HMGN1: variants seen among roughly 807,000 people sequenced by gnomAD.
HMGN1 encodes non-histone chromosomal protein HMG-14.
HMGN1 carries 9 observed loss-of-function variants against 18.4 expected under a neutral mutation model. The ratio of observed to expected loss-of-function variants is 0.49; its 90% CI spans 0.29 to 0.85. The LOEUF is 0.85. Ranked by LOEUF, HMGN1 falls within the 40% of genes least tolerant of loss-of-function variation. The pLI is 0.07. For missense variants in HMGN1, 151 were observed against 119.2 expected, an observed-to-expected ratio of 1.27 and a Z score of -1.24; for synonymous variants, 59 against 45.0, an observed-to-expected ratio of 1.31 and a Z score of -1.24.
intron 4 of HMGN1, chr21:39,346,241 G>A (rs531651501): frequency 6.0e-6 from 2 of 331,294 alleles, no homozygotes; most frequent in South Asian, 4.9e-5. Context: ...AACACGGGCG[G>A]AAAAATCACT....
In HMGN1 at chr21:39,345,289, G is replaced by T; in HGVS notation, c.127-15C>A. The T allele has an allele frequency of 6.2e-7, 1 of 1,605,420 alleles. No individual in the cohort carries two copies. Among genetic ancestry groups the T allele is most frequent in the Non-Finnish European group, 8.5e-7 (1 of 1,173,184 alleles). On this transcript the variant is annotated splice_polypyrimidine_tract_variant and intron_variant, in intron 4 of 5. Transcript: ENST00000380749. ...GAAGATTTATCCTATGATAGAATAA[G>T]AATATATTTTAAGTACATGCTTTAC... is the stretch of plus-strand genomic sequence containing the variant.
In HMGN1 at chr21:39,347,891, G is replaced by A. The variant is rs781664253; in HGVS notation, c.126+401C>T. The A allele has an allele frequency of 7.6e-4, 506 of 663,960 alleles. 11 individuals are homozygous for A. The highest frequency in any genetic ancestry group is 1.6e-3 in the Middle Eastern group (2 of 1,256). The allele number at this position is 663,960 out of a possible 1,614,324, so 41.1% of individuals were successfully genotyped here. On this transcript the variant is annotated intron_variant, in intron 4 of 5. Transcript: ENST00000380749. ...GGTTAAGGCTTCCCGAAGTTGGCTT[G>A]GAAACTGTATATATAAAAACTTACA...
In HMGN1 at chr21:39,342,826, T is replaced by C. The variant is rs2146850400; in HGVS notation, c.*286A>G. 7.0e-7 allele frequency: 1 copy of C among 1,426,788 alleles called. No individual in the cohort carries two copies. The highest frequency in any genetic ancestry group is 1.4e-5 in the African/African-American group (1 of 70,528). 88.4% of individuals were successfully genotyped at this position (1,426,788 alleles called of 1,614,324 possible). A position where few individuals can be genotyped will look rare whatever the true frequency, so the allele number is the denominator to read the frequency against. ...ATAGGATATAAAAACTAACCCCCCA[T>C]CTGTGGAATGTTAAGCTGACACCCG... On this transcript the variant is annotated 3_prime_UTR_variant, in exon 6 of 6. Transcript: ENST00000380749.
At position 39,349,028 on chromosome 21, in the gene HMGN1, G is replaced by A; in HGVS notation, c.-111C>T. ...CGCGAAACTGGGCTGCCTTGCCGCT[G>A]CCACTCCTCCCGCCGCCCGAGCTGC... On this transcript the variant is annotated 5_prime_UTR_variant, in exon 1 of 6. Transcript: ENST00000380749. 2 of 1,136,364 alleles carry A rather than the reference G, an allele frequency of 1.8e-6. No homozygotes were observed. Among genetic ancestry groups the A allele is most frequent in the Non-Finnish European group, 1.1e-6 (1 of 912,630 alleles). 70.4% of individuals were successfully genotyped at this position (1,136,364 alleles called of 1,614,324 possible).
rs145969323 is a variant in HMGN1, at chr21:39,345,273, T to C, written c.128A>G (p.Asp43Gly). Residue 43 changes from aspartate (D) to glycine (G), a missense_variant and splice_region_variant, in exon 5 of 6, where the codon GAT becomes GGT. Transcript: ENST00000380749. ...EAKPKKAAAK[D>G]KSSDKKVQTK... The stretch of plus-strand genomic sequence containing the variant: ...TTGCACTTTTTTGTCTGAAGATTTA[T>C]CCTATGATAGAATAAGAATATATTT... 350 of 1,611,514 alleles carry C rather than the reference T, an allele frequency of 2.2e-4. No individual in the cohort carries two copies. In the African/African-American group the frequency reaches 4.2e-3, roughly 19 times the overall value.
intron 4 of HMGN1, 117 bp from the exon 5 acceptor site, chr21:39,345,391 T>A (rs890927425): frequency 5.1e-6 from 5 of 989,062 alleles, no homozygotes; most frequent in Non-Finnish European, 6.1e-6. Flanking sequence ...GACTTCATAG[T>A]AAGGTTTGAG....
chr21:39,344,808 G>A (rs1161986137), intron 5 of HMGN1, among the ~76,000 whole-genome samples: 2 of 151,638 alleles, frequency 1.3e-5, no homozygotes, highest in Non-Finnish European at 2.9e-5. Flanking sequence ...ATGAAAGTGG[G>A]AAAAAAATGC....
At chr21:39,346,531 TACC>T (rs1314405346) in intron 4 of HMGN1, 1 of 152,304 alleles carries the variant, frequency 6.6e-6, no homozygotes, top group Non-Finnish European at 1.5e-5. Flanking sequence ...CTTGAAATAA[TACC>T]ACGTGTAACC....
chr21:39,343,220 C>G, intron 5 of HMGN1, 61 bp from the exon 6 acceptor site: 1 of 1,446,902 alleles, frequency 6.9e-7, no homozygotes, highest in South Asian at 1.2e-5. Context: ...TATTTATATG[C>G]AACTATCAGG....
At chr21:39,345,790 G>A in intron 4 of HMGN1, 1 of 1,290,546 alleles carries the variant, frequency 7.7e-7, no homozygotes, top group Non-Finnish European at 1.0e-6. Context: ...CAACAATACT[G>A]TCCTCACAAG....
At chr21:39,344,346 AAGT>A (rs1163412569) in intron 5 of HMGN1, among the ~76,000 whole-genome samples, 1 of 152,158 alleles carries the variant, frequency 6.6e-6, no homozygotes, top group Non-Finnish European at 1.5e-5. Flanking sequence ...ACTTAGGAAT[AAGT>A]AGTTTATAAC....
In HMGN1 at chr21:39,349,040, G is replaced by T; in HGVS notation, c.-123C>A. 1 of 1,076,816 alleles carries T rather than the reference G, an allele frequency of 9.3e-7. No individual in the cohort carries two copies. Among genetic ancestry groups the T allele is most frequent in the Non-Finnish European group, 1.2e-6 (1 of 860,748 alleles). The allele number at this position is 1,076,816 out of a possible 1,614,324, so 66.7% of individuals were successfully genotyped here. On this transcript the variant is annotated 5_prime_UTR_variant, in exon 1 of 6. Coordinates refer to ENST00000380749, the MANE Select transcript of HMGN1 (RefSeq NM_004965.7). Reference sequence around the variant, plus strand: ...CTGCCTTGCCGCTGCCACTCCTCCCGCCGCCCGAGCTGCTGAGACCCACAG... The same window carrying T: ...CTGCCTTGCCGCTGCCACTCCTCCCTCCGCCCGAGCTGCTGAGACCCACAG...
intron 4 of HMGN1, chr21:39,347,236 T>G: frequency 1.7e-6 from 1 of 583,634 alleles, no homozygotes; most frequent in Non-Finnish European, 2.3e-6. Flanking sequence ...TGAAAAATAC[T>G]ATTCTCATAC....
chr21:39,344,974 T>C (rs898293477), intron 5 of HMGN1, among the ~76,000 whole-genome samples, 172 bp downstream of exon 5: 13 of 152,358 alleles, frequency 8.5e-5, no homozygotes, highest in African/African-American at 3.1e-4. Flanking sequence ...TACTTTCCAA[T>C]AACATAAATC....
At chr21:39,343,875 C>T (rs1301440166) in intron 5 of HMGN1, among the ~76,000 whole-genome samples, 2 of 152,116 alleles carry the variant, frequency 1.3e-5, no homozygotes, top group African/African-American at 4.8e-5. Context: ...ATAACATGTA[C>T]TAGAAGGTCA....
Position 39,348,947 on chromosome 21 carries a change from G to A in HMGN1, c.-30C>T. The A allele has an allele frequency of 1.7e-6, 2 of 1,197,448 alleles. No homozygotes were observed. The highest frequency in any genetic ancestry group is 2.1e-6 in the Non-Finnish European group (2 of 966,188). The allele number at this position is 1,197,448 out of a possible 1,614,324, so 74.2% of individuals were successfully genotyped here. ...GCGGCGGGGAAGGCGCGTGCCGGGT[G>A]CCTGCGGGGAAGGCGCGTGCCGGGT... On this transcript the variant is annotated 5_prime_UTR_variant, in exon 1 of 6. Transcript: ENST00000380749.
At chr21:39,347,001 G>C (rs907886413) in intron 4 of HMGN1, 3 of 151,846 alleles carry the variant, frequency 2.0e-5, no homozygotes, top group African/African-American at 7.3e-5. Flanking sequence ...AATAAGGAAA[G>C]AAACAAGAAA....
chr21:39,343,394 T>C (rs1368291651), intron 5 of HMGN1, among the ~76,000 whole-genome samples: 2 of 152,346 alleles, frequency 1.3e-5, no homozygotes, highest in East Asian at 1.9e-4. Flanking sequence ...TTGCATCACA[T>C]GTACACTCCA....
intron 5 of HMGN1, chr21:39,344,638 G>A (rs1025563274): frequency 2.6e-5 from 4 of 151,452 alleles, no homozygotes; most frequent in Non-Finnish European, 5.8e-5. Context: ...AAAAAAAAAA[G>A]ACATCTTTTC....
Sources: allele counts gnomAD v4.1 joint callset (sites outside exome capture counted in the v4.1 genomes callset), GRCh38; gene constraint gnomAD v4.1.1; transcripts MANE v1.5; gene names NCBI Gene and HGNC (gene_info 2026-07-23, HGNC 2026-07-21).